Variants in OPCML observed in about 807,000 individuals in gnomAD.
OPCML encodes opioid binding protein/cell adhesion molecule like.
In OPCML, 13 loss-of-function variants were observed where a neutral mutation model predicts 37.8. The observed-to-expected ratio is 0.34, with a 90% CI of 0.22 to 0.55. The LOEUF (loss-of-function observed/expected upper bound fraction) is 0.55. Among genes scored for constraint, OPCML ranks in the 20% least tolerant of loss-of-function variants. The pLI is 0.91. For missense variants in OPCML, 341 were observed against 435.6 expected, an observed-to-expected ratio of 0.78 and a Z score of 1.93; for synonymous variants, 176 against 168.8, an observed-to-expected ratio of 1.04 and a Z score of -0.33.
Position 132,833,372 on chromosome 11 carries a change from G to A in OPCML, c.146+109554C>T, listed in dbSNP as rs577942043. 7.6e-4 allele frequency among the ~76,000 whole-genome samples: 115 copies of A among 151,860 alleles called. No individual in the cohort carries two copies. The Middle Eastern group carries it at 0.01, about 14-fold the overall frequency. ...ATCACTATCACTGTCCTTCACCTCC[G>A]TATCTCATCCCACTCCAAGAGCTTC... is the stretch of plus-strand genomic sequence containing the variant. On this transcript the variant is annotated intron_variant, in intron 2 of 7. Coordinates refer to ENST00000524381, the MANE Select transcript of OPCML (RefSeq NM_001012393.5).
rs79821930 is a variant in OPCML at position 133,052,835 on chromosome 11, C to A, written c.62-109825G>T. ...GGGAACCTGCCAAGACTGAGGGCAA[C>A]AGAGTGGAAAGCAGAGGCCTGAGCC... is the stretch of plus-strand genomic sequence containing the variant. On this transcript the variant is annotated intron_variant, in intron 1 of 7. Transcript: ENST00000524381. Among the ~76,000 whole-genome samples, 26 of 152,348 alleles carry A rather than the reference C, an allele frequency of 1.7e-4. No individual in the cohort carries two copies. In the South Asian group the frequency reaches 4.4e-3, roughly 26 times the overall value.
chr11:132,734,120 GAT>G (rs1945174851), intron 2 of OPCML, among the ~76,000 whole-genome samples: 2 of 152,066 alleles, frequency 1.3e-5, no homozygotes, highest in African/African-American at 4.8e-5. Context: ...CATAATTCTT[GAT>G]ATATGGTAAA....
At chr11:133,136,828 C>CGTGTGTGTGTGTGTGTGT (rs141952561) in intron 1 of OPCML, among the ~76,000 whole-genome samples, 11 of 126,294 alleles carry the variant, frequency 8.7e-5, no homozygotes, top group Non-Finnish European at 1.5e-4. Flanking sequence ...TCTATGTGCA[C>CGTGTGTGTGTGTGTGTGT]GTGTGTGTGT....
intron 2 of OPCML, among the ~76,000 whole-genome samples, chr11:132,877,553 T>C (rs1943066155): frequency 6.6e-6 from 1 of 152,158 alleles, no homozygotes; most frequent in Non-Finnish European, 1.5e-5. Flanking sequence ...GTTCTGACAG[T>C]CCTCATAGGT....
intron 1 of OPCML, among the ~76,000 whole-genome samples, chr11:133,483,463 AAG>A (rs946302410): frequency 6.6e-6 from 1 of 151,996 alleles, no homozygotes; most frequent in Non-Finnish European, 1.5e-5. Flanking sequence ...TAAATAGAAA[AAG>A]AGAGACAGTC....
intron 2 of OPCML, among the ~76,000 whole-genome samples, chr11:132,931,093 G>A (rs1945182807): frequency 6.6e-6 from 1 of 150,654 alleles, no homozygotes; most frequent in South Asian, 2.1e-4. Context: ...AAATGGTGTT[G>A]AAAAAACTGG....
intron 1 of OPCML, among the ~76,000 whole-genome samples, chr11:133,370,283 A>T (rs758996261): frequency 9.2e-5 from 14 of 152,182 alleles, no homozygotes; most frequent in Non-Finnish European, 1.8e-4. Context: ...AAATTAAAGA[A>T]CATTGGCTTT....
chr11:132,437,785 C>G (rs750778612), intron 4 of OPCML, among the ~76,000 whole-genome samples: 2 of 152,132 alleles, frequency 1.3e-5, no homozygotes, highest in African/African-American at 4.8e-5. Flanking sequence ...CTTAATTTTT[C>G]ATTTGTAGAA....
chr11:132,921,958 C>A (rs1591805571), intron 2 of OPCML, among the ~76,000 whole-genome samples: 1 of 152,064 alleles, frequency 6.6e-6, no homozygotes, highest in East Asian at 1.9e-4. Context: ...CGGCTCACTG[C>A]AACCTTCGCC....
At chr11:132,854,265 C>A (rs1941949699) in intron 2 of OPCML, among the ~76,000 whole-genome samples, 1 of 152,136 alleles carries the variant, frequency 6.6e-6, no homozygotes, top group Non-Finnish European at 1.5e-5. Context: ...GAGCTTCTGG[C>A]CCCATGGAGT....
intron 4 of OPCML, among the ~76,000 whole-genome samples, chr11:132,489,223 T>C (rs977335674): frequency 1.3e-5 from 2 of 152,154 alleles, no homozygotes; most frequent in African/African-American, 4.8e-5. Flanking sequence ...ATCATCACTA[T>C]CCCTGTCTTC....
At chr11:132,899,003 G>A (rs1185328669) in intron 2 of OPCML, among the ~76,000 whole-genome samples, 1 of 152,118 alleles carries the variant, frequency 6.6e-6, no homozygotes, top group Non-Finnish European at 1.5e-5. Context: ...ATCCCTTAGG[G>A]TGTCTCTTAG....
intron 1 of OPCML, among the ~76,000 whole-genome samples, chr11:133,176,793 A>T (rs992179593): frequency 1.2e-4 from 18 of 152,206 alleles, no homozygotes; most frequent in Non-Finnish European, 1.9e-4. Flanking sequence ...CTTTATAGCA[A>T]TGCAAGAACT....
At chr11:132,430,218 G>C (rs1279353901) in intron 7 of OPCML, among the ~76,000 whole-genome samples, 4 of 152,184 alleles carry the variant, frequency 2.6e-5, no homozygotes, top group Non-Finnish European at 5.9e-5. Context: ...CCATGTCCCA[G>C]CTAGAGCCAC....
intron 1 of OPCML, among the ~76,000 whole-genome samples, chr11:132,974,947 T>C (rs553110852): frequency 2.0e-5 from 3 of 151,714 alleles, no homozygotes; most frequent in Admixed American, 6.6e-5. Flanking sequence ...TTCTCCAGAG[T>C]CTATAGCTTC....
intron 1 of OPCML, among the ~76,000 whole-genome samples, chr11:133,444,341 A>G (rs1314108635): frequency 6.6e-6 from 1 of 152,222 alleles, no homozygotes; most frequent in Non-Finnish European, 1.5e-5. Flanking sequence ...ATAATTTTCA[A>G]AACCTTAAAC....
intron 1 of OPCML, among the ~76,000 whole-genome samples, chr11:132,994,627 CCA>C (rs1206339443): frequency 6.6e-6 from 1 of 152,162 alleles, no homozygotes; most frequent in Non-Finnish European, 1.5e-5. Context: ...CACCACCCAC[CCA>C]CCGGTACCTG....
At chr11:133,359,193 T>C (rs941951637) in intron 1 of OPCML, among the ~76,000 whole-genome samples, 1 of 152,198 alleles carries the variant, frequency 6.6e-6, no homozygotes, top group African/African-American at 2.4e-5. Flanking sequence ...GCTTGACATA[T>C]AAATTCCTCT....
intron 1 of OPCML, chr11:133,421,392 G>A: frequency 1.0e-6 from 1 of 985,412 alleles, no homozygotes; most frequent in Non-Finnish European, 1.2e-6. Context: ...GAGACCAGAA[G>A]AAGAGAAATC....
Sources: allele counts gnomAD v4.1 joint callset (sites outside exome capture counted in the v4.1 genomes callset), GRCh38; gene constraint gnomAD v4.1.1; transcripts MANE v1.5; gene names NCBI Gene and HGNC (gene_info 2026-07-23, HGNC 2026-07-21).